Variants in AHCYL2 observed in about 807,000 individuals in gnomAD.
The protein encoded by AHCYL2 is S-adenosylhomocysteine hydrolase-like protein 2.
In AHCYL2, 28 loss-of-function variants were observed where a neutral mutation model predicts 81.4. The observed-to-expected ratio is 0.34, with a 90% CI of 0.25 to 0.47. The LOEUF is 0.47. Among genes scored for constraint, AHCYL2 ranks in the 20% least tolerant of loss-of-function variants. The pLI is 1.00. For synonymous variants in AHCYL2, 272 were observed against 290.2 expected, an observed-to-expected ratio of 0.94 and a Z score of 0.64; for missense variants, 551 against 785.1, an observed-to-expected ratio of 0.70 and a Z score of 3.56.
chr7:129,241,212 A>G (rs1794840562), intron 1 of AHCYL2, among the ~76,000 whole-genome samples: 1 of 152,232 alleles, frequency 6.6e-6, no homozygotes, highest in Non-Finnish European at 1.5e-5. Flanking sequence ...ACATCAGAAT[A>G]GTTTTATAAA....
chr7:129,382,570 A>G (rs1795009746), intron 2 of AHCYL2, among the ~76,000 whole-genome samples: 1 of 152,100 alleles, frequency 6.6e-6, no homozygotes, highest in South Asian at 2.1e-4. Context: ...ACTGCACTTC[A>G]GCCTGGGCAA....
intron 1 of AHCYL2, among the ~76,000 whole-genome samples, chr7:129,257,339 T>C (rs1054824380): frequency 1.3e-5 from 2 of 152,068 alleles, no homozygotes; most frequent in African/African-American, 4.8e-5. Flanking sequence ...AAGGGATCCT[T>C]GGAGTGGAAA....
At chr7:129,309,510 A>AT (rs1563190858) in intron 1 of AHCYL2, among the ~76,000 whole-genome samples, 2 of 152,234 alleles carry the variant, frequency 1.3e-5, no homozygotes, top group Non-Finnish European at 2.9e-5. Context: ...ACTGCACTCC[A>AT]GCCTGGGCAA....
At chr7:129,339,626 G>A (rs1000476909) in intron 1 of AHCYL2, among the ~76,000 whole-genome samples, 4 of 151,708 alleles carry the variant, frequency 2.6e-5, no homozygotes, top group Non-Finnish European at 5.9e-5. Flanking sequence ...CAAACTACTG[G>A]GCTCAAGCAA....
At chr7:129,394,568 C>T (rs1795633201) in intron 4 of AHCYL2, among the ~76,000 whole-genome samples, 1 of 151,630 alleles carries the variant, frequency 6.6e-6, no homozygotes, top group South Asian at 2.1e-4. Flanking sequence ...CTGCCTCAGC[C>T]TCCCGAATAA....
At chr7:129,340,312 A>T (rs926028833) in intron 1 of AHCYL2, among the ~76,000 whole-genome samples, 12 of 150,372 alleles carry the variant, frequency 8.0e-5, no homozygotes, top group African/African-American at 2.9e-4. Flanking sequence ...TCACGCCTGT[A>T]ATCCCAGCTC....
At chr7:129,388,262 T>A (rs1795292272) in intron 2 of AHCYL2, 1 of 152,124 alleles carries the variant, frequency 6.6e-6, no homozygotes, top group African/African-American at 2.4e-5. Flanking sequence ...AACTACAGAA[T>A]CCTATGAAGA....
rs758168218 is a variant in AHCYL2, at chr7:129,424,925, A to G, written c.1612A>G (p.Ile538Val). 3 of 1,613,720 alleles carry G rather than the reference A, an allele frequency of 1.9e-6. No individual in the cohort carries two copies. The highest frequency in any genetic ancestry group is 4.5e-5 in the East Asian group (2 of 44,896). ...CSTVPTFVLS[I>V]TATTQALALI... is the part of the protein sequence containing the mutation. ...CACAGTGCCTACATTTGTGCTCTCA[A>G]TCACTGCTACTACTCAGGTAAGGCT... The change falls in exon 14 of 17, where the codon ATC (isoleucine) becomes GTC (valine). Residue 538 changes from isoleucine to valine, a missense_variant. Ile to Val is a conservative substitution (Grantham distance 29). This residue lies in a region of AHCYL2 where 316 missense variants were observed against 543.1 expected (regional missense o/e 0.58). Transcript: ENST00000325006.
At position 129,403,396 on chromosome 7, in the gene AHCYL2, G is replaced by C. The variant is rs751323577; in HGVS notation, c.936G>C (p.Gly312=). The C allele has an allele frequency of 1.2e-6, 2 of 1,607,364 alleles. No individual in the cohort carries two copies. Among genetic ancestry groups the C allele is most frequent in the Admixed American group, 3.4e-5 (2 of 59,238 alleles). ...TATTGCAGATCTTGGATGATGGAGG[G>C]GATCTTACCCACTGGATTTATAAAA... ...WQPNMILDDG[G]DLTHWIYKKY... The change falls in exon 7 of 17, where the codon GGG becomes GGC. Residue 312 remains glycine (G), a synonymous_variant. Transcript: ENST00000325006.
intron 6 of AHCYL2, among the ~76,000 whole-genome samples, chr7:129,402,143 A>G (rs901990636): frequency 6.6e-6 from 1 of 152,176 alleles, no homozygotes; most frequent in South Asian, 2.1e-4. Context: ...GGAAAACTTC[A>G]TCAGGGATTC....
At chr7:129,369,098 T>TA (rs1450893788) in intron 1 of AHCYL2, among the ~76,000 whole-genome samples, 30 of 152,178 alleles carry the variant, frequency 2.0e-4, no homozygotes. Flanking sequence ...GCTCTCTTGG[T>TA]ACAGTTCTTC....
rs373918301 is a variant in AHCYL2, at chr7:129,406,502, G to A, written c.1295+36G>A. On this transcript the variant is annotated intron_variant, in intron 10 of 16. Transcript: ENST00000325006. This position sits in a 1 kb window ranked among gnomAD's most constrained non-coding sequence, Gnocchi z 4.3. ...ACGCTACCATCTCACTTGCAATCTC[G>A]GAGCTGTCTCCAAAGAATGGCCTGG... The A allele has an allele frequency of 1.8e-5, 29 of 1,598,674 alleles. No individual in the cohort carries two copies. In the African/African-American group the frequency reaches 2.8e-4, roughly 16 times the overall value.
intron 1 of AHCYL2, among the ~76,000 whole-genome samples, chr7:129,264,184 G>A (rs2150719495): frequency 6.6e-6 from 1 of 152,242 alleles, no homozygotes; most frequent in African/African-American, 2.4e-5. Context: ...ACCATGCCCG[G>A]CTAATTTTTT....
intron 1 of AHCYL2, among the ~76,000 whole-genome samples, chr7:129,357,752 A>G (rs567953277): frequency 6.6e-6 from 1 of 151,946 alleles, no homozygotes; most frequent in African/African-American, 2.4e-5. Flanking sequence ...GGCTAACACG[A>G]TGAAACCGCA....
At chr7:129,274,691 G>A (rs1037932808) in intron 1 of AHCYL2, among the ~76,000 whole-genome samples, 1 of 152,102 alleles carries the variant, frequency 6.6e-6, no homozygotes, top group Non-Finnish European at 1.5e-5. Flanking sequence ...TGGACTGCTT[G>A]CACATAGAAC....
chr7:129,351,202 T>G (rs556462186), intron 1 of AHCYL2, among the ~76,000 whole-genome samples: 1 of 152,336 alleles, frequency 6.6e-6, no homozygotes, highest in African/African-American at 2.4e-5. Flanking sequence ...TGTTTCCGCA[T>G]AGGCATAAGG....
chr7:129,322,961 T>A (rs190570330), intron 1 of AHCYL2, among the ~76,000 whole-genome samples: 3 of 152,236 alleles, frequency 2.0e-5, no homozygotes, highest in Admixed American at 1.3e-4. Flanking sequence ...ATTCTTGATA[T>A]TATTCCTTTG....
intron 1 of AHCYL2, among the ~76,000 whole-genome samples, chr7:129,281,406 A>G (rs1401425481): frequency 1.3e-5 from 2 of 151,038 alleles, no homozygotes; most frequent in South Asian, 2.1e-4. Context: ...TCAGTGTTCT[A>G]GAAGAGTTTT....
intron 4 of AHCYL2, among the ~76,000 whole-genome samples, chr7:129,392,868 A>C (rs776519247): frequency 6.6e-6 from 1 of 152,146 alleles, no homozygotes; most frequent in African/African-American, 2.4e-5. Context: ...TTTGATTTTC[A>C]TGACCTTGAC....
Sources: allele counts gnomAD v4.1 joint callset (sites outside exome capture counted in the v4.1 genomes callset), GRCh38; gene constraint gnomAD v4.1.1; regional missense constraint gnomAD v4.1.1; non-coding constraint Gnocchi (gnomAD v3.1); transcripts MANE v1.5; gene names NCBI Gene and HGNC (gene_info 2026-07-23, HGNC 2026-07-21).